TMEM260: variants seen among roughly 807,000 people sequenced by gnomAD.
The protein encoded by TMEM260 is protein O-mannosyl-transferase TMEM260.
TMEM260 carries 82 observed loss-of-function variants against 88.9 expected under a neutral mutation model. The observed-to-expected ratio is 0.92, with a 90% confidence interval of 0.77 to 1.11. TMEM260 has a LOEUF of 1.11. TMEM260 is among the 50% of genes least tolerant of loss of function. The probability of loss-of-function intolerance (pLI) is 0.00; values close to 1 mark genes in which losing one functional copy is unlikely to be tolerated. For synonymous variants in TMEM260, 314 were observed against 309.3 expected, an observed-to-expected ratio of 1.02 and a Z score of -0.16; for missense variants, 902 against 853.4, an observed-to-expected ratio of 1.06 and a Z score of -0.71.
At position 56,609,293 on chromosome 14, in the gene TMEM260, C is replaced by A. The variant is rs768454622; in HGVS notation, c.816+8C>A. On this transcript the variant is annotated splice_region_variant and intron_variant, in intron 6 of 15. Transcript: ENST00000261556. ...TATGGAACCTTCAGCCTGGTAAATTCAGATTTAAAGCCCTTCTAAGGAAAC... is the reference window on the plus strand; with the variant it reads ...TATGGAACCTTCAGCCTGGTAAATTAAGATTTAAAGCCCTTCTAAGGAAAC... 8.1e-6 allele frequency: 13 copies of A among 1,612,854 alleles called. No homozygotes were observed. The highest frequency in any genetic ancestry group is 1.0e-5 in the Non-Finnish European group (12 of 1,179,192).
In TMEM260 at chr14:56,636,637, G is replaced by T. The variant is rs753727149; in HGVS notation, c.1869+39G>T. 2.6e-6 allele frequency: 4 copies of T among 1,548,516 alleles called. 1 individual carries two copies. Among genetic ancestry groups the T allele is most frequent in the South Asian group, 2.2e-5 (2 of 89,562 alleles). On this transcript the variant is annotated intron_variant, in intron 15 of 15. Coordinates refer to ENST00000261556, the MANE Select transcript of TMEM260 (RefSeq NM_017799.4). ...TTATATGTAGATATAGATATATTTG[G>T]TGGGAAGGTGATGGTGATTGTTCAG...
chr14:56,628,647 T>G (rs1388105433), intron 12 of TMEM260, among the ~76,000 whole-genome samples: 1 of 152,034 alleles, frequency 6.6e-6, no homozygotes, highest in African/African-American at 2.4e-5. Context: ...TCTTCTGGGG[T>G]TTTTTATTGG....
chr14:56,614,859 T>C (rs1887503710), intron 7 of TMEM260, among the ~76,000 whole-genome samples: 1 of 152,106 alleles, frequency 6.6e-6, no homozygotes. Context: ...AATTAACTTA[T>C]GAGAAAATCC....
intron 15 of TMEM260, among the ~76,000 whole-genome samples, chr14:56,643,849 A>T (rs577610364): frequency 1.9e-4 from 29 of 152,354 alleles, no homozygotes; most frequent in African/African-American, 7.0e-4. Flanking sequence ...AATCACAAGC[A>T]TTCTTATACA....
chr14:56,585,054 T>G, intron 2 of TMEM260, 22 bp downstream of exon 2: 1 of 1,605,348 alleles, frequency 6.2e-7, no homozygotes. Context: ...TTTTATTGTT[T>G]AATCAATGCT....
chr14:56,626,524 A>G (rs910862003), intron 12 of TMEM260, among the ~76,000 whole-genome samples: 8 of 152,192 alleles, frequency 5.3e-5, no homozygotes, highest in Non-Finnish European at 4.4e-5. Context: ...TTGTATACAT[A>G]CATAGATGTG....
intron 10 of TMEM260, among the ~76,000 whole-genome samples, chr14:56,620,018 T>C (rs571556169): frequency 2.0e-5 from 3 of 152,136 alleles, no homozygotes; most frequent in Non-Finnish European, 4.4e-5. Flanking sequence ...CCATTATTCT[T>C]AGCAAATTAA....
chr14:56,581,455 C>A (rs537084579), intron 1 of TMEM260, among the ~76,000 whole-genome samples: 5 of 152,156 alleles, frequency 3.3e-5, no homozygotes, highest in Non-Finnish European at 5.9e-5. Context: ...ATTGGTATTT[C>A]ATAATGGAAG....
intron 6 of TMEM260, among the ~76,000 whole-genome samples, chr14:56,610,336 G>T (rs767595603): frequency 6.6e-6 from 1 of 152,134 alleles, no homozygotes; most frequent in Non-Finnish European, 1.5e-5. Flanking sequence ...CGCCTCCCGG[G>T]TTCACGCCAT....
rs560940602 is a variant in TMEM260 at position 56,615,027 on chromosome 14, C to A, written c.858-917C>A. On this transcript the variant is annotated intron_variant, in intron 7 of 15. Coordinates refer to ENST00000261556, the MANE Select transcript of TMEM260 (RefSeq NM_017799.4). ...TAGCGCTTACACTTAAGCAATAGAT[C>A]TCCAAGAATAATTTTGAGACTGACT... is the stretch of plus-strand genomic sequence containing the variant. 5.3e-5 allele frequency among the ~76,000 whole-genome samples: 8 copies of A among 152,266 alleles called. No individual in the cohort carries two copies. The South Asian group carries it at 1.7e-3, about 32-fold the overall frequency.
chr14:56,629,930 A>G (rs914465920), intron 12 of TMEM260, among the ~76,000 whole-genome samples: 2 of 152,052 alleles, frequency 1.3e-5, no homozygotes, highest in Non-Finnish European at 2.9e-5. Context: ...GGTCCCAACT[A>G]CTTGGGCAGC....
chr14:56,593,677 C>CTTTTTTTTTTTTTTTTTTTT, intron 3 of TMEM260, among the ~76,000 whole-genome samples: 1 of 63,506 alleles, frequency 1.6e-5, no homozygotes, highest in Admixed American at 2.4e-4. Context: ...AGGTGAGTGT[C>CTTTTTTTTTTTTTTTTTTTT]TTTTTTTTTT....
In TMEM260 at chr14:56,603,915, A is replaced by T; in HGVS notation, c.445A>T (p.Asn149Tyr). 1 of 1,613,580 alleles carries T rather than the reference A, an allele frequency of 6.2e-7. No individual in the cohort carries two copies. Among genetic ancestry groups the T allele is most frequent in the South Asian group, 1.1e-5 (1 of 91,002 alleles). ...CATTGCAGCAGAGGTTTTTAGCTTA[A>T]ACAATCTCTTTGTGGGGCTGCTTAT... Reference protein sequence around the residue: ...WSIAAEVFSLNNLFVGLLMAL... With the variant: ...WSIAAEVFSLYNLFVGLLMAL... Residue 149 changes from asparagine (N) to tyrosine (Y), a missense_variant, in exon 4 of 16, where the codon AAC becomes TAC. Asn to Tyr is a moderately radical substitution (Grantham distance 143). Coordinates refer to ENST00000261556, the MANE Select transcript of TMEM260 (RefSeq NM_017799.4).
In TMEM260 at chr14:56,649,354, C is replaced by T. The variant is rs1471017120; in HGVS notation, c.*1857C>T. On this transcript the variant is annotated 3_prime_UTR_variant, in exon 16 of 16. Coordinates refer to ENST00000261556, the MANE Select transcript of TMEM260 (RefSeq NM_017799.4). Reference sequence around the variant, plus strand: ...AGGGAAGGACCAAAAACCTGGTTTACCTTAAAACAAAAACCTGTTGGAGTT... The same window carrying T: ...AGGGAAGGACCAAAAACCTGGTTTATCTTAAAACAAAAACCTGTTGGAGTT... The T allele has an allele frequency of 6.6e-6, 1 of 152,454 alleles. No individual in the cohort carries two copies. The highest frequency in any genetic ancestry group is 1.5e-5 in the Non-Finnish European group (1 of 68,032). 9.4% of individuals were successfully genotyped at this position (152,454 alleles called of 1,614,324 possible). A position where few individuals can be genotyped will look rare whatever the true frequency, so the allele number is the denominator to read the frequency against.
chr14:56,632,843 G>A (rs1888719839), intron 12 of TMEM260, 152 bp from the exon 13 acceptor site: 1 of 641,070 alleles, frequency 1.6e-6, no homozygotes, highest in East Asian at 2.8e-5. Flanking sequence ...CAAGTGAGAA[G>A]ACTAAACACA....
intron 10 of TMEM260, among the ~76,000 whole-genome samples, chr14:56,621,049 C>T (rs1887884830): frequency 6.6e-6 from 1 of 152,100 alleles, no homozygotes; most frequent in African/African-American, 2.4e-5. Flanking sequence ...GCCTGTGATT[C>T]AGGGGAGAAG....
At chr14:56,653,741 C>CAAAAAAAAAAACAAACAAA (rs1555343552), downstream of TMEM260, among the ~76,000 whole-genome samples, 1 of 97,912 alleles carries the variant, frequency 1.0e-5, no homozygotes, top group African/African-American at 4.0e-5. Context: ...GTCTCCAAAA[C>CAAAAAAAAAAACAAACAAA]AAAAAAAAAA....
intron 5 of TMEM260, among the ~76,000 whole-genome samples, chr14:56,608,869 ATAT>A (rs1339007764): frequency 1.3e-5 from 2 of 152,308 alleles, no homozygotes; most frequent in Admixed American, 6.5e-5. Context: ...GCCTTTGCTA[ATAT>A]TATTTGCTTC....
At chr14:56,593,677 CTTTTTTTTTTTTTTTT>C (rs34268894) in intron 3 of TMEM260, among the ~76,000 whole-genome samples, 3 of 63,506 alleles carry the variant, frequency 4.7e-5, no homozygotes, top group African/African-American at 1.1e-4. Context: ...AGGTGAGTGT[CTTTTTTTTTTTTTTTT>C]TTTTTTTTTT....
Sources: allele counts gnomAD v4.1 joint callset (sites outside exome capture counted in the v4.1 genomes callset), GRCh38; gene constraint gnomAD v4.1.1; transcripts MANE v1.5; gene names NCBI Gene and HGNC (gene_info 2026-07-23, HGNC 2026-07-21).